The following SCUBE1 variants were observed in gnomAD, a reference collection of about 807,000 sequenced individuals.
SCUBE1 encodes the protein signal peptide, CUB and EGF-like domain-containing protein 1.
SCUBE1 carries 59 observed loss-of-function variants against 124.4 expected under a neutral mutation model. The ratio of observed to expected loss-of-function variants is 0.47; its 90% CI spans 0.38 to 0.59. The LOEUF (loss-of-function observed/expected upper bound fraction) is 0.59, where lower values mean the gene tolerates loss of function less well. Ranked by LOEUF, SCUBE1 falls within the 20% of genes least tolerant of loss-of-function variation. The pLI, the probability that SCUBE1 is intolerant of heterozygous loss-of-function variation, is 0.00. For synonymous variants in SCUBE1, 545 were observed against 550.9 expected, an observed-to-expected ratio of 0.99 and a Z score of 0.15; for missense variants, 1,150 against 1,371.2, an observed-to-expected ratio of 0.84 and a Z score of 2.55.
At chr22:43,243,593 C>T (rs189368894) in intron 6 of SCUBE1, among the ~76,000 whole-genome samples, 89 of 152,304 alleles carry the variant, frequency 5.8e-4, no homozygotes, top group Middle Eastern at 3.4e-3. Context: ...CTGCTTACGC[C>T]GCCCCAGGTC....
At chr22:43,303,013 C>G (rs546264827) in intron 3 of SCUBE1, among the ~76,000 whole-genome samples, 1 of 152,220 alleles carries the variant, frequency 6.6e-6, no homozygotes, top group African/African-American at 2.4e-5. Flanking sequence ...GGAGCTCCCA[C>G]GACACCCCAG....
chr22:43,252,184 C>T (rs1456700682), intron 6 of SCUBE1, among the ~76,000 whole-genome samples: 1 of 152,198 alleles, frequency 6.6e-6, no homozygotes, highest in Non-Finnish European at 1.5e-5. Flanking sequence ...TGGGTGCAGC[C>T]GAGAACCCAG....
intron 3 of SCUBE1, among the ~76,000 whole-genome samples, chr22:43,293,126 C>T (rs1474346615): frequency 6.6e-6 from 1 of 152,236 alleles, no homozygotes; most frequent in Non-Finnish European, 1.5e-5. Flanking sequence ...CTCCAAGCCT[C>T]AGCCATGTCT....
At chr22:43,315,030 T>C (rs1926297475) in intron 3 of SCUBE1, among the ~76,000 whole-genome samples, 1 of 151,794 alleles carries the variant, frequency 6.6e-6, no homozygotes, top group South Asian at 2.1e-4. Flanking sequence ...TTTTTTTTAA[T>C]GTGATAACCC....
intron 4 of SCUBE1, among the ~76,000 whole-genome samples, chr22:43,281,488 G>GTCACCTCCTCA (rs1569010806): frequency 1.1e-4 from 8 of 72,546 alleles, no homozygotes; most frequent in African/African-American, 9.4e-4. Flanking sequence ...CTCCCTCTTT[G>GTCACCTCCTCA]GCCACCCTCC....
At chr22:43,204,385 G>A (rs992190669) in intron 21 of SCUBE1, among the ~76,000 whole-genome samples, 4 of 151,892 alleles carry the variant, frequency 2.6e-5, no homozygotes, top group Admixed American at 2.0e-4. Flanking sequence ...ACTGCACCTC[G>A]CCTCCTGAGT....
Position 43,277,261 on chromosome 22 carries a change from C to G in SCUBE1, c.484+13785G>C, listed in dbSNP as rs148853990. On this transcript the variant is annotated intron_variant, in intron 4 of 21. Coordinates refer to ENST00000360835, the MANE Select transcript of SCUBE1 (RefSeq NM_173050.5). ...TATGGCTGGTTCATGACATGCCAAGCAAGGACAGGCTGCAGAGAACCACAT... is the reference window on the plus strand; with the variant it reads ...TATGGCTGGTTCATGACATGCCAAGGAAGGACAGGCTGCAGAGAACCACAT... 6.8e-4 allele frequency among the ~76,000 whole-genome samples: 103 copies of G among 152,214 alleles called. 1 individual carries two copies. Among genetic ancestry groups the G allele is most frequent in the South Asian group, 3.1e-3 (15 of 4,822 alleles).
At chr22:43,291,014 G>A in intron 4 of SCUBE1, 32 bp downstream of exon 4, 1 of 1,549,014 alleles carries the variant, frequency 6.5e-7, no homozygotes, top group Non-Finnish European at 8.8e-7. Flanking sequence ...TCCTGGGGGG[G>A]GACATGCCTG....
At chr22:43,239,973 G>C (rs890514551) in intron 6 of SCUBE1, among the ~76,000 whole-genome samples, 4 of 152,176 alleles carry the variant, frequency 2.6e-5, no homozygotes, top group Non-Finnish European at 4.4e-5. Context: ...CTGCAGGCTG[G>C]GGGGAGTCAA....
chr22:43,339,080 C>T lies in SCUBE1; in HGVS notation c.220+24G>A, dbSNP rs3752599. The T allele has an allele frequency of 7.9e-3, 12,790 of 1,612,766 alleles. 273 individuals carry two copies. The highest frequency in any genetic ancestry group is 0.062 in the East Asian group (2,785 of 44,846). On this transcript the variant is annotated intron_variant, in intron 2 of 21. Transcript: ENST00000360835. Reference sequence around the variant, plus strand: ...CAGCCCTGGCAGCCTCAGGGTCTGCCCGGGAGGGCCGGGCTGGACTCACCT... The same window carrying T: ...CAGCCCTGGCAGCCTCAGGGTCTGCTCGGGAGGGCCGGGCTGGACTCACCT...
At chr22:43,219,382 G>A (rs551301847) in intron 14 of SCUBE1, among the ~76,000 whole-genome samples, 13 of 152,316 alleles carry the variant, frequency 8.5e-5, no homozygotes, top group African/African-American at 2.6e-4. Context: ...CCGTGTTCTC[G>A]GACAGCCTGC....
In SCUBE1 at chr22:43,214,081, C is replaced by G. The variant is rs373037413; in HGVS notation, c.2053+9G>C. Reference sequence around the variant, plus strand: ...CCACCCCCACCTCTCCTTCTAGGCCCGCACTTGCCTCCACATTCCGACACG... The same window carrying G: ...CCACCCCCACCTCTCCTTCTAGGCCGGCACTTGCCTCCACATTCCGACACG... On this transcript the variant is annotated intron_variant, in intron 16 of 21. Coordinates refer to ENST00000360835, the MANE Select transcript of SCUBE1 (RefSeq NM_173050.5). 145 of 1,017,922 alleles carry G rather than the reference C, an allele frequency of 1.4e-4. No homozygotes were observed. Among genetic ancestry groups the G allele is most frequent in the Non-Finnish European group, 1.9e-4 (139 of 713,786 alleles). The allele number at this position is 1,017,922 out of a possible 1,614,324, so 63.1% of individuals were successfully genotyped here.
rs1219149333 is a variant in SCUBE1, at chr22:43,234,777, T to G, written c.845-2902A>C. On this transcript the variant is annotated intron_variant, in intron 7 of 21. Transcript: ENST00000360835. This position sits in a 1 kb window ranked among gnomAD's most constrained non-coding sequence, Gnocchi z 4.4. ...AGTCCCTGCCTGCTGGCCAGCATTC[T>G]GAGGCTCCTGAGTCTGCTAGGATGT... Among the ~76,000 whole-genome samples, 1 of 152,164 alleles carries G rather than the reference T, an allele frequency of 6.6e-6. No individual in the cohort carries two copies. Among genetic ancestry groups the G allele is most frequent in the Non-Finnish European group, 1.5e-5 (1 of 68,018 alleles).
At chr22:43,312,765 G>A (rs1926216102) in intron 3 of SCUBE1, among the ~76,000 whole-genome samples, 1 of 152,210 alleles carries the variant, frequency 6.6e-6, no homozygotes, top group Non-Finnish European at 1.5e-5. Flanking sequence ...CTCCCTGCCT[G>A]TGCCTGGCCT....
chr22:43,312,231 G>A (rs548983234), intron 3 of SCUBE1, among the ~76,000 whole-genome samples: 1 of 152,312 alleles, frequency 6.6e-6, no homozygotes, highest in Admixed American at 6.5e-5. Flanking sequence ...AAGACAGAAA[G>A]GTAAACAAGA....
At chr22:43,332,526 G>T (rs958181398) in intron 2 of SCUBE1, among the ~76,000 whole-genome samples, 38 of 152,242 alleles carry the variant, frequency 2.5e-4, no homozygotes, top group African/African-American at 8.2e-4. Context: ...ATGGGCTGAT[G>T]GGGGCCTGGC....
In SCUBE1 at chr22:43,203,947, G is replaced by A; in HGVS notation, c.*50C>T. ...ATGCAGCTCCCACTGTGGAGGGCAGGTGCACCCTCCGCGGACCAGGCCACC... is the reference window on the plus strand; with the variant it reads ...ATGCAGCTCCCACTGTGGAGGGCAGATGCACCCTCCGCGGACCAGGCCACC... On this transcript the variant is annotated 3_prime_UTR_variant, in exon 22 of 22. Coordinates refer to ENST00000360835, the MANE Select transcript of SCUBE1 (RefSeq NM_173050.5). 1 of 1,592,476 alleles carries A rather than the reference G, an allele frequency of 6.3e-7. No individual in the cohort carries two copies. Among genetic ancestry groups the A allele is most frequent in the Non-Finnish European group, 8.6e-7 (1 of 1,162,882 alleles).
intron 4 of SCUBE1, among the ~76,000 whole-genome samples, chr22:43,281,507 CCT>C (rs749159874): frequency 0.029 from 1,852 of 64,620 alleles, 137 homozygotes; most frequent in East Asian, 0.18. Flanking sequence ...CCTGTCACCT[CCT>C]CCTCAGCCAC....
intron 4 of SCUBE1, among the ~76,000 whole-genome samples, chr22:43,263,505 C>G (rs1342363635): frequency 1.3e-5 from 2 of 152,200 alleles, no homozygotes; most frequent in East Asian, 3.9e-4. Flanking sequence ...AGGAGTGAAG[C>G]CGGCTCGGGG....
Sources: allele counts gnomAD v4.1 joint callset (sites outside exome capture counted in the v4.1 genomes callset), GRCh38; gene constraint gnomAD v4.1.1; non-coding constraint Gnocchi (gnomAD v3.1); transcripts MANE v1.5; gene names NCBI Gene and HGNC (gene_info 2026-07-23, HGNC 2026-07-21).